LHFPL3: variants seen among roughly 807,000 people sequenced by gnomAD.
The protein encoded by LHFPL3 is LHFPL tetraspan subfamily member 3 protein.
In LHFPL3, 5 loss-of-function variants were observed where a neutral mutation model predicts 19.3. The observed-to-expected ratio is 0.26, with a 90% CI of 0.14 to 0.54. The LOEUF (loss-of-function observed/expected upper bound fraction) is 0.54. LHFPL3 is among the 20% of genes least tolerant of loss of function. The pLI, the probability that LHFPL3 is intolerant of heterozygous loss-of-function variation, is 0.94. For synonymous variants in LHFPL3, 133 were observed against 126.2 expected, an observed-to-expected ratio of 1.05 and a Z score of -0.36; for missense variants, 249 against 307.4, an observed-to-expected ratio of 0.81 and a Z score of 1.42.
At chr7:104,730,604 C>T in intron 1 of LHFPL3, among the ~76,000 whole-genome samples, 1 of 147,710 alleles carries the variant, frequency 6.8e-6, no homozygotes, top group Non-Finnish European at 1.5e-5. Flanking sequence ...TTGTTTTTTT[C>T]TTGTAAATTT....
chr7:104,807,958 A>C (rs1584545568), intron 2 of LHFPL3, among the ~76,000 whole-genome samples: 1 of 152,290 alleles, frequency 6.6e-6, no homozygotes, highest in South Asian at 2.1e-4. Flanking sequence ...ATTCAACGGG[A>C]GTGTTTATTT....
At chr7:104,833,262 A>G (rs1368777796) in intron 2 of LHFPL3, among the ~76,000 whole-genome samples, 9 of 75,214 alleles carry the variant, frequency 1.2e-4, no homozygotes, top group Non-Finnish European at 2.3e-5. Flanking sequence ...GACAGAACTA[A>G]TAGGATATAT....
At chr7:104,410,175 C>T (rs947434840) in intron 1 of LHFPL3, among the ~76,000 whole-genome samples, 1 of 152,060 alleles carries the variant, frequency 6.6e-6, no homozygotes, top group Non-Finnish European at 1.5e-5. Flanking sequence ...TCTTGTTGCC[C>T]AGGCTGGAGT....
At chr7:104,639,184 G>A (rs1791785016) in intron 1 of LHFPL3, among the ~76,000 whole-genome samples, 4 of 152,096 alleles carry the variant, frequency 2.6e-5, no homozygotes. Context: ...TCAGAATTTG[G>A]CTGTGAATCC....
At chr7:104,701,513 T>TA (rs1432091219) in intron 1 of LHFPL3, among the ~76,000 whole-genome samples, 10 of 152,348 alleles carry the variant, frequency 6.6e-5, no homozygotes, top group Admixed American at 2.0e-4. Flanking sequence ...ATATATTTAC[T>TA]ATTCATTAAG....
At chr7:104,667,229 A>T (rs901440732) in intron 1 of LHFPL3, among the ~76,000 whole-genome samples, 1 of 149,800 alleles carries the variant, frequency 6.7e-6, no homozygotes, top group East Asian at 2.0e-4. Context: ...GCAAGTTCCC[A>T]ATTATATATC....
intron 1 of LHFPL3, among the ~76,000 whole-genome samples, chr7:104,631,289 C>T (rs1417386261): frequency 3.3e-4 from 1 of 3,012 alleles, no homozygotes; most frequent in East Asian, 0.056. Flanking sequence ...CCAATGTCCT[C>T]TTTCATTTTC....
At chr7:104,344,752 A>G (rs1290442883) in intron 1 of LHFPL3, among the ~76,000 whole-genome samples, 1 of 152,242 alleles carries the variant, frequency 6.6e-6, no homozygotes, top group African/African-American at 2.4e-5. Context: ...CCTTTTTGAT[A>G]TAATGACTTA....
chr7:104,883,536 A>G (rs60572745), intron 2 of LHFPL3, among the ~76,000 whole-genome samples: 3,386 of 152,276 alleles, frequency 0.022, 127 homozygotes, highest in African/African-American at 0.078. Context: ...CTATTTAATG[A>G]AAATGAAGCG....
chr7:104,494,213 T>C (rs1205572846), intron 1 of LHFPL3, among the ~76,000 whole-genome samples: 1 of 152,188 alleles, frequency 6.6e-6, no homozygotes, highest in Non-Finnish European at 1.5e-5. Flanking sequence ...CATATATTAT[T>C]TTACAAAATA....
intron 1 of LHFPL3, among the ~76,000 whole-genome samples, chr7:104,631,256 C>T (rs1276426251): frequency 6.6e-6 from 1 of 150,946 alleles, no homozygotes; most frequent in African/African-American, 2.4e-5. Context: ...GAATATCTTG[C>T]CCTCTCATTT....
chr7:104,609,970 G>A (rs552681770), intron 1 of LHFPL3, among the ~76,000 whole-genome samples: 29 of 152,076 alleles, frequency 1.9e-4, no homozygotes, highest in Non-Finnish European at 3.7e-4. Context: ...TATGTTTCAA[G>A]AACACCTTTT....
chr7:104,420,635 C>T (rs902883762), intron 1 of LHFPL3, among the ~76,000 whole-genome samples: 4 of 147,652 alleles, frequency 2.7e-5, no homozygotes, highest in Admixed American at 6.9e-5. Context: ...TCTCGGCTCA[C>T]TGCAAGCTCC....
At chr7:104,621,762 T>C (rs1791450423) in intron 1 of LHFPL3, among the ~76,000 whole-genome samples, 2 of 152,270 alleles carry the variant, frequency 1.3e-5, no homozygotes, top group East Asian at 3.9e-4. Flanking sequence ...TATTATATGA[T>C]TGTTGAACAG....
At chr7:104,443,329 A>G (rs1463852746) in intron 1 of LHFPL3, among the ~76,000 whole-genome samples, 1 of 152,198 alleles carries the variant, frequency 6.6e-6, no homozygotes, top group East Asian at 1.9e-4. Context: ...ATGAATTGTC[A>G]GAAGAGACAA....
chr7:104,696,243 C>T (rs183491635), intron 1 of LHFPL3, among the ~76,000 whole-genome samples: 1 of 152,206 alleles, frequency 6.6e-6, no homozygotes, highest in African/African-American at 2.4e-5. Flanking sequence ...AGCCATTGCG[C>T]CCAGCCTGAA....
chr7:104,672,973 C>A (rs991148613), intron 1 of LHFPL3, among the ~76,000 whole-genome samples: 3 of 151,844 alleles, frequency 2.0e-5, no homozygotes, highest in African/African-American at 7.3e-5. Context: ...ACTGGTTTTT[C>A]TTTCTAATCT....
intron 2 of LHFPL3, among the ~76,000 whole-genome samples, chr7:104,885,460 T>C (rs146894628): frequency 6.6e-6 from 1 of 152,318 alleles, no homozygotes; most frequent in East Asian, 1.9e-4. Flanking sequence ...CCCATCTCAG[T>C]AAATAGGACC....
chr7:104,696,175 C>T (rs1186989729), intron 1 of LHFPL3, among the ~76,000 whole-genome samples: 2 of 152,338 alleles, frequency 1.3e-5, no homozygotes, highest in African/African-American at 4.8e-5. Context: ...TGGTCTGAAA[C>T]TCCTGACCTC....
Sources: gnomAD v4.1 joint callset for allele counts (sites outside exome capture counted in the v4.1 genomes callset) on GRCh38, gnomAD v4.1.1 for gene constraint, MANE v1.5 for transcripts, NCBI Gene and HGNC (gene_info 2026-07-23, HGNC 2026-07-21) for gene names.